Variants in ERBB4 observed in about 807,000 individuals in gnomAD.
ERBB4 encodes the protein receptor tyrosine-protein kinase erbB-4.
Under a neutral mutation model 158.0 loss-of-function variants are expected in ERBB4, and 42 were observed. That is an observed-to-expected ratio of 0.27 (90% CI 0.21 to 0.34). The LOEUF (loss-of-function observed/expected upper bound fraction) is 0.34. Among genes scored for constraint, ERBB4 ranks in the 10% least tolerant of loss-of-function variants. The pLI, the probability that ERBB4 is intolerant of heterozygous loss-of-function variation, is 1.00. For synonymous variants in ERBB4, 583 were observed against 558.7 expected, an observed-to-expected ratio of 1.04 and a Z score of -0.61; for missense variants, 1,333 against 1,624.1, an observed-to-expected ratio of 0.82 and a Z score of 3.08.
At chr2:212,132,716 T>C (rs1244494022) in intron 1 of ERBB4, among the ~76,000 whole-genome samples, 2 of 152,124 alleles carry the variant, frequency 1.3e-5, no homozygotes, top group Non-Finnish European at 2.9e-5. Context: ...ATTGTGAGAC[T>C]TCTCAGCCTC....
chr2:211,945,884 T>C (rs777234406), intron 3 of ERBB4, among the ~76,000 whole-genome samples: 15 of 152,196 alleles, frequency 9.9e-5, no homozygotes, highest in Non-Finnish European at 2.1e-4. Context: ...GAAAGAAATT[T>C]ATTCATTTTT....
intron 2 of ERBB4, among the ~76,000 whole-genome samples, chr2:212,039,849 A>G (rs959915395): frequency 2.6e-5 from 4 of 152,102 alleles, no homozygotes; most frequent in Non-Finnish European, 5.9e-5. Context: ...AAAAAAAAGA[A>G]AAGAAAAGAA....
At chr2:212,359,542 C>G (rs1048988427) in intron 1 of ERBB4, among the ~76,000 whole-genome samples, 1 of 151,740 alleles carries the variant, frequency 6.6e-6, no homozygotes, top group Non-Finnish European at 1.5e-5. Context: ...CTGGCAAACA[C>G]TGGCTTAATT....
chr2:212,498,293 A>G (rs1395119833), intron 1 of ERBB4, among the ~76,000 whole-genome samples: 1 of 152,128 alleles, frequency 6.6e-6, no homozygotes, highest in Non-Finnish European at 1.5e-5. Context: ...CTAAACAAAG[A>G]CGGGGATTAA....
chr2:212,523,523 T>C (rs946068872), intron 1 of ERBB4, among the ~76,000 whole-genome samples: 2 of 151,692 alleles, frequency 1.3e-5, no homozygotes, highest in Non-Finnish European at 2.9e-5. Context: ...GAATATCTAA[T>C]ATGAAGACTG....
intron 2 of ERBB4, among the ~76,000 whole-genome samples, chr2:211,997,907 C>A (rs1056431660): frequency 6.8e-5 from 3 of 43,908 alleles, no homozygotes; most frequent in Non-Finnish European, 3.6e-4. Flanking sequence ...TACACACACA[C>A]ATCACACACA....
In ERBB4 at chr2:211,742,636, T is replaced by C. The variant is rs1427182821; in HGVS notation, c.622+8003A>G. Among the ~76,000 whole-genome samples the C allele has an allele frequency of 3.3e-5, 5 of 152,060 alleles. 1 individual carries two copies. In the South Asian group the frequency reaches 6.2e-4, roughly 19 times the overall value. ...CTATTAAACTGAAACTTTTAATATA[T>C]TGCAAATGTTAAAACCAATTTTCTT... On this transcript the variant is annotated intron_variant, in intron 5 of 27. Transcript: ENST00000342788.
intron 4 of ERBB4, among the ~76,000 whole-genome samples, chr2:211,780,178 G>A (rs781483527): frequency 2.2e-4 from 34 of 152,108 alleles, no homozygotes; most frequent in Admixed American, 2.0e-3. Context: ...CCTGGGTAAC[G>A]TAGGGAGAGC....
At chr2:211,733,456 G>A (rs1346089750) in intron 5 of ERBB4, among the ~76,000 whole-genome samples, 1 of 147,404 alleles carries the variant, frequency 6.8e-6, no homozygotes, top group Non-Finnish European at 1.5e-5. Context: ...GAATACCATA[G>A]TATTTTTAAG....
chr2:211,763,033 C>A (rs1575110810), intron 4 of ERBB4, among the ~76,000 whole-genome samples: 1 of 150,936 alleles, frequency 6.6e-6, no homozygotes, highest in East Asian at 2.0e-4. Flanking sequence ...ATTACAACAT[C>A]TAGGGATTGT....
intron 1 of ERBB4, among the ~76,000 whole-genome samples, chr2:212,304,566 C>T (rs571066399): frequency 9.9e-5 from 15 of 151,460 alleles, no homozygotes; most frequent in Non-Finnish European, 1.9e-4. Flanking sequence ...ACAGAAATTG[C>T]CCAAAATGTG....
intron 4 of ERBB4, among the ~76,000 whole-genome samples, chr2:211,785,336 C>A (rs1009749475): frequency 1.1e-4 from 16 of 152,124 alleles, no homozygotes; most frequent in African/African-American, 3.9e-4. Flanking sequence ...CTCCTGATCG[C>A]GTGATCCGCC....
At position 211,657,349 on chromosome 2, in the gene ERBB4, A is replaced by G. The variant is rs1267679175; in HGVS notation, c.1946+405T>C. 2.0e-5 allele frequency among the ~76,000 whole-genome samples: 3 copies of G among 151,972 alleles called. 1 individual carries two copies. The highest frequency in any genetic ancestry group is 2.9e-5 in the Non-Finnish European group (2 of 67,970). On this transcript the variant is annotated intron_variant, in intron 16 of 27. Coordinates refer to ENST00000342788, the MANE Select transcript of ERBB4 (RefSeq NM_005235.3). The stretch of plus-strand genomic sequence containing the variant: ...CATGGTGAAAACCCATCTCTACTAA[A>G]AATACAAAAATTAGCCAGGCATGGT...
chr2:211,495,191 T>G (rs1265928493), intron 20 of ERBB4, among the ~76,000 whole-genome samples: 1 of 151,962 alleles, frequency 6.6e-6, no homozygotes, highest in Non-Finnish European at 1.5e-5. Context: ...TTCTTAGAGA[T>G]AAAAAAGATT....
intron 2 of ERBB4, among the ~76,000 whole-genome samples, chr2:212,075,018 T>C (rs532250400): frequency 6.6e-6 from 1 of 152,080 alleles, no homozygotes; most frequent in Admixed American, 6.6e-5. Flanking sequence ...GAACTAAGAA[T>C]CAAACCCAAG....
intron 1 of ERBB4, among the ~76,000 whole-genome samples, chr2:212,184,491 T>C (rs2081960642): frequency 1.3e-5 from 2 of 152,132 alleles, no homozygotes; most frequent in South Asian, 2.1e-4. Context: ...ATTATGCTTA[T>C]ATATCTTTCT....
At chr2:212,404,488 T>C (rs1421398890) in intron 1 of ERBB4, among the ~76,000 whole-genome samples, 1 of 152,014 alleles carries the variant, frequency 6.6e-6, no homozygotes, top group Non-Finnish European at 1.5e-5. Flanking sequence ...GAAAAAAACC[T>C]CTGTCCTTAT....
chr2:211,822,067 A>G (rs567095502), intron 3 of ERBB4, among the ~76,000 whole-genome samples: 2 of 151,974 alleles, frequency 1.3e-5, no homozygotes, highest in African/African-American at 4.8e-5. Flanking sequence ...TAAACTCTGC[A>G]TGATCTCACT....
At chr2:211,885,583 G>A (rs1222973408) in intron 3 of ERBB4, among the ~76,000 whole-genome samples, 2 of 152,132 alleles carry the variant, frequency 1.3e-5, no homozygotes, top group East Asian at 3.9e-4. Context: ...AGCCTGCTGA[G>A]TAACTGGGAT....
Sources: gnomAD v4.1 joint callset for allele counts (sites outside exome capture counted in the v4.1 genomes callset) on GRCh38, gnomAD v4.1.1 for gene constraint, MANE v1.5 for transcripts, NCBI Gene and HGNC (gene_info 2026-07-23, HGNC 2026-07-21) for gene names.